The following EYA1 variants were observed in gnomAD, a reference collection of about 807,000 sequenced individuals.
EYA1 encodes the protein protein phosphatase EYA1.
In EYA1, 16 loss-of-function variants were observed where a neutral mutation model predicts 82.0. The ratio of observed to expected loss-of-function variants is 0.20; its 90% confidence interval spans 0.13 to 0.30. The LOEUF (loss-of-function observed/expected upper bound fraction) is 0.30. Among genes scored for constraint, EYA1 ranks in the 10% least tolerant of loss-of-function variants. The probability of loss-of-function intolerance (pLI) is 1.00; values close to 1 mark genes in which losing one functional copy is unlikely to be tolerated. For missense variants in EYA1, 633 were observed against 730.7 expected (o/e 0.87, Z 1.54); for synonymous variants, 261 against 264.4 (o/e 0.99, Z 0.12).
intron 2 of EYA1, among the ~76,000 whole-genome samples, chr8:71,482,392 G>A (rs993851442): frequency 1.3e-5 from 2 of 152,206 alleles, no homozygotes; most frequent in African/African-American, 4.8e-5. Context: ...CTAGTATCAA[G>A]TGTTGTTGAG....
At chr8:71,272,418 G>A (rs1293001305) in intron 9 of EYA1, among the ~76,000 whole-genome samples, 4 of 152,068 alleles carry the variant, frequency 2.6e-5, no homozygotes, top group Admixed American at 6.5e-5. Context: ...CATTTTATGT[G>A]AGAACAAGCG....
At position 71,202,828 on chromosome 8, in the gene EYA1, A is replaced by G. The variant is rs529819127; in HGVS notation, c.1699-3408T>C. Among the ~76,000 whole-genome samples, 5 of 152,304 alleles carry G rather than the reference A, an allele frequency of 3.3e-5. No individual in the cohort carries two copies. In the South Asian group the frequency reaches 1.0e-3, roughly 32 times the overall value. On this transcript the variant is annotated intron_variant, in intron 17 of 17. Coordinates refer to ENST00000340726, the MANE Select transcript of EYA1 (RefSeq NM_000503.6). The stretch of plus-strand genomic sequence containing the variant: ...TAGTAGACTTCTTTAAGAAATGCAC[A>G]TTTTGTATTAAGTGAATGACTATAA...
upstream of EYA1, among the ~76,000 whole-genome samples, chr8:71,366,053 C>T (rs535338697): frequency 1.6e-4 from 25 of 152,132 alleles, no homozygotes; most frequent in South Asian, 5.0e-3. Context: ...TTCCTGACTT[C>T]CTAAAGAGCA....
intron 2 of EYA1, among the ~76,000 whole-genome samples, chr8:71,478,365 C>T (rs138632886): frequency 6.6e-6 from 1 of 152,260 alleles, no homozygotes; most frequent in East Asian, 1.9e-4. Context: ...CTATCACCGA[C>T]TCTGCAGAGA....
intron 4 of EYA1, among the ~76,000 whole-genome samples, chr8:71,332,004 C>T (rs573773348): frequency 7.9e-5 from 12 of 152,146 alleles, no homozygotes; most frequent in South Asian, 2.1e-4. Context: ...CATGCCACCA[C>T]GCCCAGCTAA....
At chr8:71,340,348 C>T (rs1035366117) in intron 3 of EYA1, among the ~76,000 whole-genome samples, 2 of 152,128 alleles carry the variant, frequency 1.3e-5, no homozygotes, top group African/African-American at 2.4e-5. Flanking sequence ...TGAAAAAATA[C>T]ACAATCTCAT....
At position 71,422,994 on chromosome 8, in the gene EYA1, T is replaced by G. The variant is rs545901118; in HGVS notation, c.34-66483A>C. Among the ~76,000 whole-genome samples, 13 of 152,260 alleles carry G rather than the reference T, an allele frequency of 8.5e-5. No individual in the cohort carries two copies. The South Asian group carries it at 1.5e-3, about 17-fold the overall frequency. ...GTTTTACACATGAAAATTTTAAACT[T>G]GGAAACCTGCAGAAACTAATCAATG... On this transcript the variant is annotated intron_variant, in intron 2 of 18. Coordinates refer to the EYA1 transcript ENST00000643681.
rs762335463 is a variant in EYA1, at chr8:71,242,918, CAAGCAT to C, written c.1140+1679_1140+1684del. ...TCAGCCCCCTGAGTAGCTGGGATTA[CAAGCAT>C]TGGCCACCACACCCAGCTAATTTTG... On this transcript the variant is annotated intron_variant, in intron 12 of 17. Coordinates refer to ENST00000340726, the MANE Select transcript of EYA1 (RefSeq NM_000503.6). 2.9e-4 allele frequency among the ~76,000 whole-genome samples: 44 copies of C among 151,842 alleles called. No homozygotes were observed. In the East Asian group the frequency reaches 6.0e-3, roughly 21 times the overall value.
At chr8:71,287,869 A>G (rs1426289189) in intron 9 of EYA1, among the ~76,000 whole-genome samples, 2 of 152,218 alleles carry the variant, frequency 1.3e-5, no homozygotes, top group Non-Finnish European at 2.9e-5. Context: ...CCTAATATGT[A>G]TCAGTCACTT....
chr8:71,468,685 A>G (rs1808953730), intron 2 of EYA1, among the ~76,000 whole-genome samples: 1 of 152,082 alleles, frequency 6.6e-6, no homozygotes, highest in African/African-American at 2.4e-5. Flanking sequence ...TTCCCTGCCT[A>G]TTCTTCCCTC....
At chr8:71,452,989 C>T (rs929186797) in intron 2 of EYA1, among the ~76,000 whole-genome samples, 2 of 152,132 alleles carry the variant, frequency 1.3e-5, no homozygotes, top group African/African-American at 4.8e-5. Flanking sequence ...GGAGGAAGTA[C>T]AAACTCATCA....
At chr8:71,545,859 C>G (rs183689545) in intron 1 of EYA1, among the ~76,000 whole-genome samples, 4 of 152,164 alleles carry the variant, frequency 2.6e-5, no homozygotes, top group African/African-American at 9.7e-5. Flanking sequence ...TGTGCCCGGC[C>G]TTTTTTCCCT....
chr8:71,288,998 T>C (rs575648754), intron 9 of EYA1, among the ~76,000 whole-genome samples: 1 of 152,324 alleles, frequency 6.6e-6, no homozygotes, highest in East Asian at 1.9e-4. Context: ...AACGAATAGC[T>C]TCCCTTTTCC....
rs1826702727 is a variant in EYA1, at chr8:71,354,882, G to A, written c.24C>T (p.Ser8=). 1 of 1,613,402 alleles carries A rather than the reference G, an allele frequency of 6.2e-7. No homozygotes were observed. Among genetic ancestry groups the A allele is most frequent in the African/African-American group, 1.3e-5 (1 of 74,896 alleles). Residue 8 remains serine (S), a synonymous_variant, in exon 3 of 18, where the codon AGC becomes AGT. Coordinates refer to ENST00000340726, the MANE Select transcript of EYA1 (RefSeq NM_000503.6). MEMQDLT[S]PHSRLSGSSE... is the part of the protein sequence containing the mutation. The stretch of plus-strand genomic sequence containing the variant: ...TACTACCACTCAGACGGCTATGCGG[G>A]CTGGTTAGATCCTGCATTTCCATAG...
chr8:71,503,079 T>G (rs28754433), intron 2 of EYA1, among the ~76,000 whole-genome samples: 5,173 of 152,300 alleles, frequency 0.034, 316 homozygotes, highest in African/African-American at 0.12. Context: ...GAGTGCATAC[T>G]CCTTGAGGTC....
chr8:71,259,659 C>T (rs560190037), intron 11 of EYA1, among the ~76,000 whole-genome samples: 13 of 152,278 alleles, frequency 8.5e-5, no homozygotes, highest in African/African-American at 2.4e-4. Context: ...ATCTTCTTGA[C>T]CCGTTTTTAT....
chr8:71,239,998 AT>A (rs1165950201), intron 12 of EYA1, among the ~76,000 whole-genome samples: 8 of 152,200 alleles, frequency 5.3e-5, no homozygotes, highest in Admixed American at 5.2e-4. Context: ...TACAGAAAGA[AT>A]TTTTTCCTAG....
intron 16 of EYA1, among the ~76,000 whole-genome samples, chr8:71,212,025 ACT>A (rs1403001267): frequency 6.6e-6 from 1 of 152,212 alleles, no homozygotes; most frequent in Admixed American, 6.5e-5. Context: ...TGGTGGCTAC[ACT>A]GTCAGCACAT....
At chr8:71,334,718 C>T (rs912077646) in intron 3 of EYA1, among the ~76,000 whole-genome samples, 4 of 152,212 alleles carry the variant, frequency 2.6e-5, no homozygotes, top group Non-Finnish European at 5.9e-5. Flanking sequence ...CATTACCACC[C>T]AGCCATATCT....
Sources: allele counts gnomAD v4.1 joint callset (sites outside exome capture counted in the v4.1 genomes callset), GRCh38; gene constraint gnomAD v4.1.1; transcripts MANE v1.5; gene names NCBI Gene and HGNC (gene_info 2026-07-23, HGNC 2026-07-21).